The following TMCC3 variants were observed in gnomAD, a reference collection of about 807,000 sequenced individuals.
TMCC3 encodes the protein transmembrane and coiled-coil domain family 3.
Under a neutral mutation model 40.2 loss-of-function variants are expected in TMCC3, and 28 were observed. The ratio of observed to expected loss-of-function variants is 0.70; its 90% CI spans 0.52 to 0.95. The LOEUF (loss-of-function observed/expected upper bound fraction) is 0.95, where lower values mean the gene tolerates loss of function less well. Among genes scored for constraint, TMCC3 ranks in the 40% least tolerant of loss-of-function variants. TMCC3 has a pLI of 0.00. For synonymous variants in TMCC3, 255 were observed against 248.5 expected (o/e 1.03, Z -0.25); for missense variants, 554 against 615.2 (o/e 0.90, Z 1.05).
chr12:94,588,791 C>T (rs1175899603), intron 1 of TMCC3, among the ~76,000 whole-genome samples: 1 of 151,936 alleles, frequency 6.6e-6, no homozygotes, highest in Non-Finnish European at 1.5e-5. Flanking sequence ...TGCAGCCCAA[C>T]ACAAATTCGT....
intron 1 of TMCC3, among the ~76,000 whole-genome samples, chr12:94,626,679 C>T (rs1373511437): frequency 1.3e-5 from 2 of 152,108 alleles, no homozygotes; most frequent in Non-Finnish European, 2.9e-5. Flanking sequence ...TCACAAGTTA[C>T]AAGGATGCCA....
intron 1 of TMCC3, among the ~76,000 whole-genome samples, chr12:94,623,443 G>C (rs1047538879): frequency 6.6e-6 from 1 of 152,220 alleles, no homozygotes; most frequent in Non-Finnish European, 1.5e-5. Flanking sequence ...TACCAGGCTA[G>C]AATGCTGCCT....
intron 1 of TMCC3, among the ~76,000 whole-genome samples, chr12:94,647,627 A>G (rs1376827693): frequency 6.6e-6 from 1 of 152,194 alleles, no homozygotes; most frequent in Non-Finnish European, 1.5e-5. Context: ...TTTAAATCCT[A>G]TACTAGTTTC....
chr12:94,641,140 C>T (rs1273061022), intron 1 of TMCC3, among the ~76,000 whole-genome samples: 1 of 151,648 alleles, frequency 6.6e-6, no homozygotes, highest in African/African-American at 2.4e-5. Context: ...GCAGAGGTTG[C>T]AGTCAGCCAA....
At chr12:94,649,872 C>G (rs1302468367) in intron 1 of TMCC3, among the ~76,000 whole-genome samples, 4 of 152,258 alleles carry the variant, frequency 2.6e-5, no homozygotes, top group African/African-American at 9.6e-5. Context: ...CCTCCCCGCG[C>G]TCCGGCTGCG....
intron 1 of TMCC3, among the ~76,000 whole-genome samples, chr12:94,632,191 G>T (rs1003072809): frequency 9.2e-5 from 14 of 152,232 alleles, no homozygotes; most frequent in Non-Finnish European, 1.5e-5. Flanking sequence ...ACTTTCCGGG[G>T]TGATAGAAAT....
chr12:94,590,463 GGA>G (rs2068667174), intron 1 of TMCC3, among the ~76,000 whole-genome samples: 1 of 151,990 alleles, frequency 6.6e-6, no homozygotes, highest in Non-Finnish European at 1.5e-5. Flanking sequence ...ATCACTAAGA[GGA>G]GAGAGAGAAT....
intron 1 of TMCC3, among the ~76,000 whole-genome samples, chr12:94,602,735 G>T (rs1594282407): frequency 6.6e-6 from 1 of 152,180 alleles, no homozygotes; most frequent in Admixed American, 6.5e-5. Context: ...CTACAGGAGT[G>T]CACCATCATG....
At chr12:94,593,662 C>T (rs2068697562) in intron 1 of TMCC3, among the ~76,000 whole-genome samples, 2 of 152,086 alleles carry the variant, frequency 1.3e-5, no homozygotes, top group East Asian at 1.9e-4. Flanking sequence ...CAAGCATCCT[C>T]AAGCACTCAC....
chr12:94,622,181 C>CTG (rs2068879271), intron 1 of TMCC3, among the ~76,000 whole-genome samples: 1 of 152,104 alleles, frequency 6.6e-6, no homozygotes, highest in Non-Finnish European at 1.5e-5. Context: ...AGGAGTACTC[C>CTG]ACACCCATGG....
intron 1 of TMCC3, among the ~76,000 whole-genome samples, chr12:94,623,861 C>T (rs1594292754): frequency 6.6e-6 from 1 of 152,322 alleles, no homozygotes; most frequent in Admixed American, 6.5e-5. Flanking sequence ...AAGTAAAAGT[C>T]AAGCCATGCA....
chr12:94,591,100 G>A, intron 1 of TMCC3: 1 of 481,296 alleles, frequency 2.1e-6, no homozygotes, highest in Non-Finnish European at 4.1e-6. Context: ...TGGTCGTGCT[G>A]GTTGCCCCTC....
chr12:94,578,162 AAAAAAAGAAAAAGAAAAAG>A, intron 3 of TMCC3, among the ~76,000 whole-genome samples: 2 of 149,934 alleles, frequency 1.3e-5, no homozygotes, highest in African/African-American at 4.9e-5. Flanking sequence ...AAAAAAAAAA[AAAAAAAGAAAAAGAAAAAG>A]AAAAAAAAAA....
At chr12:94,599,464 A>G (rs954948047) in intron 1 of TMCC3, among the ~76,000 whole-genome samples, 1 of 152,084 alleles carries the variant, frequency 6.6e-6, no homozygotes, top group Non-Finnish European at 1.5e-5. Flanking sequence ...GGAGGGTGGA[A>G]AGTGGAGAAC....
In TMCC3 at chr12:94,570,761, G is replaced by T. The variant is rs962384462; in HGVS notation, c.*674C>A. ...GACAAAATCAGGTGTTGGTTGCCTG[G>T]GTATGAGAAGGTGAAAGCCCCATTC... On this transcript the variant is annotated 3_prime_UTR_variant, in exon 4 of 4. Coordinates refer to ENST00000261226, the MANE Select transcript of TMCC3 (RefSeq NM_020698.4). 1 of 152,698 alleles carries T rather than the reference G, an allele frequency of 6.5e-6. No homozygotes were observed. Among genetic ancestry groups the T allele is most frequent in the Non-Finnish European group, 1.5e-5 (1 of 68,112 alleles). 9.5% of individuals were successfully genotyped at this position (152,698 alleles called of 1,614,324 possible). A position where few individuals can be genotyped will look rare whatever the true frequency, so the allele number is the denominator to read the frequency against.
At chr12:94,600,024 T>TA (rs912547256) in intron 1 of TMCC3, among the ~76,000 whole-genome samples, 3 of 151,784 alleles carry the variant, frequency 2.0e-5, no homozygotes, top group African/African-American at 2.4e-5. Context: ...ACCCCATCTC[T>TA]AAAAAAAGGA....
rs1344580603 is a variant in TMCC3, at chr12:94,571,744, G to A, written c.1132-7C>T. ...GGCAGGATTCCAAGGCTTCCTGTGA[G>A]CAAGAGGGAGAGCAAGGGTCAAACG... is the stretch of plus-strand genomic sequence containing the variant. On this transcript the variant is annotated splice_region_variant and splice_polypyrimidine_tract_variant and intron_variant, in intron 3 of 3. Coordinates refer to ENST00000261226, the MANE Select transcript of TMCC3 (RefSeq NM_020698.4). 11 of 1,612,866 alleles carry A rather than the reference G, an allele frequency of 6.8e-6. No individual in the cohort carries two copies. The highest frequency in any genetic ancestry group is 9.3e-6 in the Non-Finnish European group (11 of 1,179,348).
At chr12:94,591,384 A>G (rs1220138822) in intron 1 of TMCC3, among the ~76,000 whole-genome samples, 2 of 148,910 alleles carry the variant, frequency 1.3e-5, no homozygotes, top group Admixed American at 1.4e-4. Flanking sequence ...TTGCTCTGTT[A>G]TCCTTACAGA....
chr12:94,592,001 T>C (rs527796972), intron 1 of TMCC3, among the ~76,000 whole-genome samples: 2 of 152,296 alleles, frequency 1.3e-5, no homozygotes, highest in East Asian at 3.9e-4. Flanking sequence ...ACTACCTTCA[T>C]GGGACACCTA....
Sources: gnomAD v4.1 joint callset for allele counts (sites outside exome capture counted in the v4.1 genomes callset) on GRCh38, gnomAD v4.1.1 for gene constraint, MANE v1.5 for transcripts, NCBI Gene and HGNC (gene_info 2026-07-23, HGNC 2026-07-21) for gene names.